Variants in EPSTI1 observed in about 807,000 individuals in gnomAD.
EPSTI1 encodes epithelial stromal interaction 1.
Under a neutral mutation model 49.9 loss-of-function variants are expected in EPSTI1, and 66 were observed. The ratio of observed to expected loss-of-function variants is 1.32; its 90% CI spans 1.08 to 1.62. EPSTI1 has a LOEUF of 1.62. EPSTI1 is among the 40% of genes most tolerant of loss of function. EPSTI1 has a pLI of 0.00. For missense variants in EPSTI1, 394 were observed against 365.5 expected (o/e 1.08, Z -0.64); for synonymous variants, 137 against 130.7 (o/e 1.05, Z -0.33).
rs760017900 is a variant in EPSTI1 at position 42,895,179 on chromosome 13, T to C, written c.816-71A>G. On this transcript the variant is annotated intron_variant, in intron 9 of 10. Transcript: ENST00000313624. The stretch of plus-strand genomic sequence containing the variant: ...GGCTGAGAGATTTCTGAGAATCTAA[T>C]GTGTTGTATGAACTGACCATGGGGA... 122 of 1,228,978 alleles carry C rather than the reference T, an allele frequency of 9.9e-5. No individual in the cohort carries two copies. The Middle Eastern group carries it at 1.9e-3, about 19-fold the overall frequency. 76.1% of individuals were successfully genotyped at this position (1,228,978 alleles called of 1,614,324 possible). A position where few individuals can be genotyped will look rare whatever the true frequency, so the allele number is the denominator to read the frequency against.
chr13:42,961,919 G>A (rs991792309), intron 5 of EPSTI1, among the ~76,000 whole-genome samples: 1 of 152,116 alleles, frequency 6.6e-6, no homozygotes, highest in African/African-American at 2.4e-5. Flanking sequence ...TGTTTGCTGT[G>A]CATTTTAAAA....
chr13:42,918,503 G>C (rs529193923), intron 7 of EPSTI1, among the ~76,000 whole-genome samples: 9 of 152,262 alleles, frequency 5.9e-5, no homozygotes, highest in African/African-American at 1.2e-4. Flanking sequence ...ATAAAGTTCA[G>C]GTAGGCTGGT....
chr13:42,892,936 A>C (rs1363295266), intron 10 of EPSTI1, among the ~76,000 whole-genome samples: 1 of 152,184 alleles, frequency 6.6e-6, no homozygotes, highest in African/African-American at 2.4e-5. Context: ...AAGCTAAGTA[A>C]AGAAACAGTT....
chr13:42,984,640 T>A (rs1250868153), intron 1 of EPSTI1, among the ~76,000 whole-genome samples: 2 of 152,262 alleles, frequency 1.3e-5, no homozygotes, highest in African/African-American at 4.8e-5. Context: ...CAAAATACTT[T>A]ACAAAATTTA....
intron 1 of EPSTI1, among the ~76,000 whole-genome samples, chr13:42,988,974 C>T (rs548091538): frequency 2.0e-4 from 30 of 151,626 alleles, no homozygotes; most frequent in Non-Finnish European, 4.3e-4. Flanking sequence ...TATCCTCCTG[C>T]CTCAGCCTCT....
intron 9 of EPSTI1, among the ~76,000 whole-genome samples, chr13:42,897,267 T>G (rs9567063): frequency 0.11 from 16,461 of 152,194 alleles, 1,058 homozygotes; most frequent in East Asian, 0.29. Flanking sequence ...ATGTCACCTC[T>G]GCAGTGAGGC....
intron 6 of EPSTI1, among the ~76,000 whole-genome samples, chr13:42,940,692 G>A (rs1378752081): frequency 6.6e-6 from 1 of 152,170 alleles, no homozygotes; most frequent in Non-Finnish European, 1.5e-5. Flanking sequence ...ACCTGCCTCA[G>A]CCTCCCAAGT....
chr13:42,953,194 A>G (rs2039153603), intron 6 of EPSTI1, among the ~76,000 whole-genome samples: 1 of 151,848 alleles, frequency 6.6e-6, no homozygotes, highest in South Asian at 2.1e-4. Context: ...TATGTCATTT[A>G]CATATTTTAT....
rs141127445 is a variant in EPSTI1, at chr13:42,913,877, G to A, written c.741+3664C>T. Among the ~76,000 whole-genome samples, 270 of 152,284 alleles carry A rather than the reference G, an allele frequency of 1.8e-3. 1 individual carries two copies. Among genetic ancestry groups the A allele is most frequent in the Non-Finnish European group, 3.1e-3 (214 of 68,008 alleles). On this transcript the variant is annotated intron_variant, in intron 8 of 10. Coordinates refer to ENST00000313624, the MANE Select transcript of EPSTI1 (RefSeq NM_033255.5). ...TGCAAGGTGATTAGATTGTGGAGGC[G>A]GATTGCCTCCCTGCTGTTCTCATGA...
chr13:42,975,178 T>C lies in EPSTI1; in HGVS notation c.189-4508A>G, dbSNP rs550687820. Among the ~76,000 whole-genome samples the C allele has an allele frequency of 1.9e-4, 29 of 152,366 alleles. 1 individual carries two copies. The South Asian group carries it at 6.0e-3, about 32-fold the overall frequency. On this transcript the variant is annotated intron_variant, in intron 1 of 10. Coordinates refer to ENST00000313624, the MANE Select transcript of EPSTI1 (RefSeq NM_033255.5). ...AGAATCAGAAACTTACTGTTTTCAG[T>C]CAACATTGAGTCAAAACTTTTGAGG...
intron 8 of EPSTI1, among the ~76,000 whole-genome samples, chr13:42,905,993 G>T (rs1317819268): frequency 6.6e-6 from 1 of 152,182 alleles, no homozygotes; most frequent in African/African-American, 2.4e-5. Flanking sequence ...TACCATCCTA[G>T]AGATTGAAAG....
At chr13:42,938,278 T>C (rs1345240954) in intron 6 of EPSTI1, among the ~76,000 whole-genome samples, 1 of 152,106 alleles carries the variant, frequency 6.6e-6, no homozygotes, top group East Asian at 1.9e-4. Flanking sequence ...ATTAGGTGCA[T>C]TGTCAATGAG....
chr13:42,961,267 CT>C (rs2039441123), intron 5 of EPSTI1, among the ~76,000 whole-genome samples: 1 of 152,140 alleles, frequency 6.6e-6, no homozygotes, highest in Non-Finnish European at 1.5e-5. Context: ...GGAAATTAAT[CT>C]GTAGCATTTA....
intron 10 of EPSTI1, among the ~76,000 whole-genome samples, chr13:42,891,112 T>C (rs2037022208): frequency 6.6e-6 from 1 of 152,356 alleles, no homozygotes; most frequent in Non-Finnish European, 1.5e-5. Context: ...CATCAGGATA[T>C]GTTATGCTTT....
chr13:42,936,495 C>A (rs1447368408), intron 6 of EPSTI1, among the ~76,000 whole-genome samples: 3 of 152,180 alleles, frequency 2.0e-5, no homozygotes, highest in African/African-American at 7.2e-5. Context: ...TGACTAATTT[C>A]TCCTTTCGGA....
chr13:42,949,189 T>A (rs1183051870), intron 6 of EPSTI1, among the ~76,000 whole-genome samples: 1 of 152,228 alleles, frequency 6.6e-6, no homozygotes, highest in Non-Finnish European at 1.5e-5. Flanking sequence ...CCTGTAAAGC[T>A]GTCTTTTGTG....
At chr13:42,944,722 T>TCCTG (rs1056044905) in intron 6 of EPSTI1, among the ~76,000 whole-genome samples, 2 of 152,158 alleles carry the variant, frequency 1.3e-5, no homozygotes, top group African/African-American at 4.8e-5. Context: ...CTTGGTGTTC[T>TCCTG]CCTGTTGAAA....
At chr13:42,904,980 A>C (rs2037458128) in intron 8 of EPSTI1, among the ~76,000 whole-genome samples, 1 of 152,178 alleles carries the variant, frequency 6.6e-6, no homozygotes, top group Non-Finnish European at 1.5e-5. Context: ...TTGTTTTTTA[A>C]CTTCTGAACC....
intron 8 of EPSTI1, among the ~76,000 whole-genome samples, chr13:42,917,170 A>G (rs1255135799): frequency 6.6e-6 from 1 of 152,188 alleles, no homozygotes; most frequent in African/African-American, 2.4e-5. Context: ...TTTCTTATGC[A>G]TTATCACATT....
Sources: gnomAD v4.1 joint callset for allele counts (sites outside exome capture counted in the v4.1 genomes callset) on GRCh38, gnomAD v4.1.1 for gene constraint, MANE v1.5 for transcripts, NCBI Gene and HGNC (gene_info 2026-07-23, HGNC 2026-07-21) for gene names.